Variants in SPAST observed in about 807,000 individuals in gnomAD.
SPAST encodes the protein spastic paraplegia 4 (autosomal dominant; spastin).
SPAST carries 30 observed loss-of-function variants against 76.6 expected under a neutral mutation model. The observed-to-expected ratio is 0.39, with a 90% CI of 0.29 to 0.53. SPAST has a LOEUF of 0.53. Ranked by LOEUF, SPAST falls within the 20% of genes least tolerant of loss-of-function variation. The pLI, the probability that SPAST is intolerant of heterozygous loss-of-function variation, is 0.68. For missense variants in SPAST, 717 were observed against 770.5 expected, an observed-to-expected ratio of 0.93 and a Z score of 0.82; for synonymous variants, 305 against 281.0, an observed-to-expected ratio of 1.09 and a Z score of -0.86.
At chr2:32,098,771 G>A (rs1175813277) in intron 3 of SPAST, 25 bp from the exon 4 acceptor site, 1 of 1,487,362 alleles carries the variant, frequency 6.7e-7, no homozygotes. Flanking sequence ...TATTTTTTCT[G>A]TTTTTTACCT....
At chr2:32,140,649 G>A (rs548450279) in intron 12 of SPAST, among the ~76,000 whole-genome samples, 150 of 151,728 alleles carry the variant, frequency 9.9e-4, no homozygotes, top group African/African-American at 3.4e-3. Flanking sequence ...TTGGTCAGGC[G>A]TCATGGTGGG....
At position 32,063,616 on chromosome 2, in the gene SPAST, G is replaced by A. The variant is rs1357607987; in HGVS notation, c.-216G>A. 1 of 592,946 alleles carries A rather than the reference G, an allele frequency of 1.7e-6. No homozygotes were observed. Among genetic ancestry groups the A allele is most frequent in the Non-Finnish European group, 2.9e-6 (1 of 348,840 alleles). 36.7% of individuals were successfully genotyped at this position (592,946 alleles called of 1,614,324 possible). The stretch of plus-strand genomic sequence containing the variant: ...GACAGCGACAGGAAGGGAGGGGCCC[G>A]AGCCACCGACTGCAGGAGGAGAAGG... On this transcript the variant is annotated 5_prime_UTR_variant, in exon 1 of 17. Transcript: ENST00000315285.
intron 7 of SPAST, among the ~76,000 whole-genome samples, chr2:32,119,367 A>G (rs781742447): frequency 2.6e-5 from 4 of 152,326 alleles, no homozygotes; most frequent in Non-Finnish European, 4.4e-5. Flanking sequence ...TGCATAGACC[A>G]CAATAGAGAC....
At chr2:32,127,265 A>G (rs1679227110) in intron 8 of SPAST, 1 of 486,348 alleles carries the variant, frequency 2.1e-6, no homozygotes, top group African/African-American at 2.0e-5. Flanking sequence ...TTACAGGCAC[A>G]CGCCACCACA....
chr2:32,134,225 G>A (rs755193297), intron 9 of SPAST, among the ~76,000 whole-genome samples: 8 of 151,988 alleles, frequency 5.3e-5, no homozygotes, highest in Non-Finnish European at 1.0e-4. Context: ...CTGGGGGGCC[G>A]AATGCGGTGG....
At chr2:32,143,230 G>T (rs1036307024) in intron 13 of SPAST, 106 bp from the exon 14 acceptor site, 4 of 697,836 alleles carry the variant, frequency 5.7e-6, no homozygotes, top group Admixed American at 2.2e-5. Context: ...ATTGTGCCCT[G>T]CACTCCAGCC....
chr2:32,079,088 A>T (rs919728804), intron 1 of SPAST, among the ~76,000 whole-genome samples: 1 of 151,968 alleles, frequency 6.6e-6, no homozygotes, highest in African/African-American at 2.4e-5. Context: ...TGACCCGCCC[A>T]CCTCAGCCTC....
At position 32,064,114 on chromosome 2, in the gene SPAST, G is replaced by A. The variant is rs1343258361; in HGVS notation, c.283G>A (p.Ala95Thr). 6.3e-7 allele frequency: 1 copy of A among 1,598,328 alleles called. No individual in the cohort carries two copies. The highest frequency in any genetic ancestry group is 8.5e-7 in the Non-Finnish European group (1 of 1,172,994). ...ALMAAKRSSG[A>T]APAPASASAP... is the part of the protein sequence containing the mutation. The stretch of plus-strand genomic sequence containing the variant: ...CATGGCAGCCAAGAGGAGCTCCGGG[G>A]CCGCGCCAGCACCTGCCTCGGCCTC... Residue 95 changes from alanine to threonine, a missense_variant, in exon 1 of 17, where the codon GCC becomes ACC. By Grantham distance (58) the Ala-to-Thr change is moderately conservative. This residue lies in a region of SPAST where 543 missense variants were observed against 445.2 expected (regional missense o/e 1.22). Coordinates refer to ENST00000315285, the MANE Select transcript of SPAST (RefSeq NM_014946.4).
At chr2:32,075,933 C>T (rs1211893300) in intron 1 of SPAST, among the ~76,000 whole-genome samples, 3 of 128,050 alleles carry the variant, frequency 2.3e-5, no homozygotes, top group African/African-American at 9.0e-5. Flanking sequence ...CAGAGTCTCG[C>T]TCTGTCGCCC....
chr2:32,074,261 CA>C (rs1676863553), intron 1 of SPAST, among the ~76,000 whole-genome samples: 4 of 152,132 alleles, frequency 2.6e-5, no homozygotes, highest in African/African-American at 9.7e-5. Flanking sequence ...AGTTAAAAAG[CA>C]AAGGTCACTC....
chr2:32,137,229 C>T (rs775776504), intron 12 of SPAST, 41 bp downstream of exon 12: 2 of 1,353,282 alleles, frequency 1.5e-6, no homozygotes, highest in African/African-American at 2.9e-5. Context: ...TTATTACAGA[C>T]AATATTTACT....
chr2:32,144,343 A>T (rs1679816869), intron 14 of SPAST, among the ~76,000 whole-genome samples: 2 of 152,342 alleles, frequency 1.3e-5, no homozygotes, highest in Admixed American at 1.3e-4. Flanking sequence ...GTTGGCCACC[A>T]GTAGTTTGTA....
chr2:32,136,498 T>C, intron 9 of SPAST, 65 bp from the exon 10 acceptor site: 1 of 1,213,252 alleles, frequency 8.2e-7, no homozygotes, highest in Non-Finnish European at 1.2e-6. Context: ...ATTTTCAACA[T>C]AAAATTTAAA....
chr2:32,104,137 T>A (rs1446306427), intron 4 of SPAST, among the ~76,000 whole-genome samples: 1 of 152,228 alleles, frequency 6.6e-6, no homozygotes, highest in Non-Finnish European at 1.5e-5. Flanking sequence ...TGGGTGCTCC[T>A]GTATTGGGTG....
At chr2:32,136,705 T>C in intron 10 of SPAST, 67 bp downstream of exon 10, 1 of 1,386,200 alleles carries the variant, frequency 7.2e-7, no homozygotes, top group Non-Finnish European at 1.0e-6. Context: ...ATAGGAAAGA[T>C]ACGATTGGAA....
At chr2:32,084,283 C>T (rs565463545) in intron 1 of SPAST, among the ~76,000 whole-genome samples, 13 of 151,868 alleles carry the variant, frequency 8.6e-5, no homozygotes, top group African/African-American at 3.1e-4. Flanking sequence ...GCCTCAGCCT[C>T]CGGAGTAGCT....
At chr2:32,122,307 T>C (rs1443792117) in intron 7 of SPAST, among the ~76,000 whole-genome samples, 3 of 152,220 alleles carry the variant, frequency 2.0e-5, no homozygotes, top group Middle Eastern at 3.4e-3. Context: ...CATGTGAAAT[T>C]ACTAGGTTTT....
At chr2:32,131,974 C>T (rs1216206730) in intron 9 of SPAST, among the ~76,000 whole-genome samples, 1 of 152,130 alleles carries the variant, frequency 6.6e-6, no homozygotes, top group African/African-American at 2.4e-5. Context: ...CAACCATTCT[C>T]TTTTATCCAT....
intron 1 of SPAST, among the ~76,000 whole-genome samples, chr2:32,076,926 A>C (rs1031088652): frequency 4.0e-5 from 6 of 151,860 alleles, no homozygotes; most frequent in African/African-American, 1.5e-4. Context: ...CCCAGGCTAG[A>C]GTGCAGTGGC....
Sources: allele counts gnomAD v4.1 joint callset (sites outside exome capture counted in the v4.1 genomes callset), GRCh38; gene constraint gnomAD v4.1.1; regional missense constraint gnomAD v4.1.1; transcripts MANE v1.5; gene names NCBI Gene and HGNC (gene_info 2026-07-23, HGNC 2026-07-21).